The following MCTP2 variants were observed in gnomAD, a reference collection of about 807,000 sequenced individuals.
MCTP2 encodes multiple C2 and transmembrane domain containing 2.
In MCTP2, 132 loss-of-function variants were observed where a neutral mutation model predicts 111.6. That is an observed-to-expected ratio of 1.18 (90% CI 1.03 to 1.37). MCTP2 has a LOEUF of 1.37. MCTP2 is among the 40% of genes most tolerant of loss of function. MCTP2 has a pLI of 0.00. For synonymous variants in MCTP2, 395 were observed against 387.7 expected, an observed-to-expected ratio of 1.02 and a Z score of -0.22; for missense variants, 1,183 against 1,067.9, an observed-to-expected ratio of 1.11 and a Z score of -1.50.
At chr15:94,245,240 ATATACACATATG>A (rs2071755047) in intron 1 of MCTP2, among the ~76,000 whole-genome samples, 3 of 143,312 alleles carry the variant, frequency 2.1e-5, no homozygotes, top group African/African-American at 7.5e-5. Flanking sequence ...ATGTATGTAT[ATATACACATATG>A]TATATATACA....
intron 2 of MCTP2, among the ~76,000 whole-genome samples, chr15:94,304,728 A>T (rs1053681639): frequency 2.5e-4 from 38 of 152,126 alleles, no homozygotes; most frequent in South Asian, 8.3e-4. Context: ...TACACCATCC[A>T]TCTCACAATG....
intron 19 of MCTP2, among the ~76,000 whole-genome samples, chr15:94,457,727 T>A (rs2084924591): frequency 6.6e-6 from 1 of 152,208 alleles, no homozygotes; most frequent in Admixed American, 6.5e-5. Context: ...GTCTCCAACA[T>A]GCCAGGAACA....
intron 13 of MCTP2, among the ~76,000 whole-genome samples, chr15:94,384,696 A>T (rs1194282227): frequency 6.6e-6 from 1 of 152,200 alleles, no homozygotes; most frequent in Non-Finnish European, 1.5e-5. Context: ...TAAAATGGTG[A>T]CATACTGTCC....
chr15:94,434,243 C>G (rs1289514744), intron 17 of MCTP2, among the ~76,000 whole-genome samples: 3 of 152,010 alleles, frequency 2.0e-5, no homozygotes, highest in South Asian at 2.1e-4. Context: ...CTGAGACTTG[C>G]AGGCACATGC....
Position 94,402,995 on chromosome 15 carries a change from A to G in MCTP2, c.2085+976A>G, listed in dbSNP as rs182896108. The stretch of plus-strand genomic sequence containing the variant: ...CATAGCCTCATATAAAAAATGGGGG[A>G]AAAAAAACATTTATTAGCCCAAGAA... On this transcript the variant is annotated intron_variant, in intron 17 of 22. Coordinates refer to ENST00000357742, the MANE Select transcript of MCTP2 (RefSeq NM_001385001.1). 8.0e-3 allele frequency: 7,681 copies of G among 962,866 alleles called. 40 individuals carry two copies. Among genetic ancestry groups the G allele is most frequent in the Middle Eastern group, 0.031 (59 of 1,934 alleles). The allele number at this position is 962,866 out of a possible 1,614,324, so 59.6% of individuals were successfully genotyped here. A position where few individuals can be genotyped will look rare whatever the true frequency, so the allele number is the denominator to read the frequency against.
At chr15:94,385,777 A>G (rs540286669) in intron 14 of MCTP2, among the ~76,000 whole-genome samples, 18 of 152,276 alleles carry the variant, frequency 1.2e-4, no homozygotes, top group Middle Eastern at 3.4e-3. Context: ...TTTTCAATTC[A>G]TTTTCAGTCT....
chr15:94,356,176 A>G lies in MCTP2; in HGVS notation c.1045A>G (p.Lys349Glu), dbSNP rs758865681. The part of the protein sequence containing the change: ...IRNLRLSESL[K>E]KNQLWNGIIS... ...CAACCTACGGCTCTCTGAGTCCTTG[A>G]AAAAGAACCAACTCTGGAACGGGAT... The change falls in exon 9 of 23, where the codon AAA (lysine) becomes GAA (glutamate). Residue 349 changes from lysine (K) to glutamate (E), a missense_variant. Lys to Glu is a moderately conservative substitution (Grantham distance 56). Coordinates refer to ENST00000357742, the MANE Select transcript of MCTP2 (RefSeq NM_001385001.1). 6.2e-7 allele frequency: 1 copy of G among 1,612,380 alleles called. No individual in the cohort carries two copies. Among genetic ancestry groups the G allele is most frequent in the South Asian group, 1.1e-5 (1 of 90,726 alleles).
chr15:94,233,865 CT>C, intron 1 of MCTP2, among the ~76,000 whole-genome samples: 1 of 152,258 alleles, frequency 6.6e-6, no homozygotes, highest in East Asian at 1.9e-4. Flanking sequence ...AAAACACTTG[CT>C]TTCTTAAAAC....
In MCTP2 at chr15:94,402,003, G is replaced by A; in HGVS notation, c.2069G>A (p.Ser690Asn). 2 of 1,612,060 alleles carry A rather than the reference G, an allele frequency of 1.2e-6. No homozygotes were observed. The highest frequency in any genetic ancestry group is 1.7e-6 in the Non-Finnish European group (2 of 1,179,326). The change falls in exon 17 of 23, where the codon AGT becomes AAT. Residue 690 changes from serine to asparagine, a missense_variant. Transcript: ENST00000357742. ...SCFQWESTLR[S>N]TIAFAVFLIT... ...TTCCAGTGGGAATCCACATTAAGAA[G>A]TACAATAGCATTCGCGGTAAGCTTC...
chr15:94,325,231 C>G (rs1420331598), intron 4 of MCTP2, among the ~76,000 whole-genome samples: 1 of 152,084 alleles, frequency 6.6e-6, no homozygotes. Context: ...GTAGGATTAA[C>G]CTGGTGTGTG....
chr15:94,317,279 T>C (rs1304850585), intron 4 of MCTP2, among the ~76,000 whole-genome samples: 3 of 152,164 alleles, frequency 2.0e-5, no homozygotes, highest in Non-Finnish European at 2.9e-5. Flanking sequence ...ATTTGTGTTT[T>C]TCTCTTCCCC....
At chr15:94,394,750 G>T (rs989198805) in intron 14 of MCTP2, among the ~76,000 whole-genome samples, 2 of 152,004 alleles carry the variant, frequency 1.3e-5, no homozygotes, top group Non-Finnish European at 2.9e-5. Context: ...GGGCGACAGG[G>T]TGAGACTCCA....
chr15:94,410,301 G>A (rs1277305925), intron 17 of MCTP2, among the ~76,000 whole-genome samples: 1 of 152,084 alleles, frequency 6.6e-6, no homozygotes, highest in Non-Finnish European at 1.5e-5. Flanking sequence ...TGCAAAGCTT[G>A]GTATTGTGTG....
chr15:94,331,320 A>G (rs1220153261), intron 4 of MCTP2, among the ~76,000 whole-genome samples: 2 of 152,248 alleles, frequency 1.3e-5, no homozygotes, highest in African/African-American at 4.8e-5. Context: ...AGCCAAAACA[A>G]TAAATGATGG....
chr15:94,431,589 A>G (rs192582869), intron 17 of MCTP2, among the ~76,000 whole-genome samples: 17 of 152,336 alleles, frequency 1.1e-4, no homozygotes, highest in African/African-American at 3.8e-4. Flanking sequence ...TGCTTTAACA[A>G]AAAAAGGCAG....
intron 21 of MCTP2, among the ~76,000 whole-genome samples, chr15:94,472,236 AGGTGATGGCAGGCAC>A (rs543490804): frequency 6.6e-6 from 1 of 152,126 alleles, no homozygotes; most frequent in South Asian, 2.1e-4. Flanking sequence ...AACTAAGCCA[AGGTGATGGCAGGCAC>A]CTGTAATCCC....
intron 4 of MCTP2, among the ~76,000 whole-genome samples, chr15:94,322,513 A>T (rs1428172863): frequency 6.6e-6 from 1 of 152,222 alleles, no homozygotes; most frequent in Non-Finnish European, 1.5e-5. Flanking sequence ...TAAACAAATG[A>T]ACATAGCTGT....
chr15:94,299,184 T>C lies in MCTP2; in HGVS notation c.465+454T>C, dbSNP rs573377726. Reference sequence around the variant, plus strand: ...GTTCCCATTAGTTTTAGGGTTGACCTCTGTGTGTTTTAAAGCTATTACAAA... The same window carrying C: ...GTTCCCATTAGTTTTAGGGTTGACCCCTGTGTGTTTTAAAGCTATTACAAA... On this transcript the variant is annotated intron_variant, in intron 2 of 22. Transcript: ENST00000357742. Among the ~76,000 whole-genome samples, 6 of 151,806 alleles carry C rather than the reference T, an allele frequency of 4.0e-5. No homozygotes were observed. In the East Asian group the frequency reaches 9.7e-4, roughly 25 times the overall value.
chr15:94,402,485 G>A (rs1412105473), intron 17 of MCTP2: 7 of 1,551,476 alleles, frequency 4.5e-6, no homozygotes, highest in Admixed American at 2.0e-5. Flanking sequence ...ATTTCATTCA[G>A]CACCGCAAAG....
Sources: gnomAD v4.1 joint callset for allele counts (sites outside exome capture counted in the v4.1 genomes callset) on GRCh38, gnomAD v4.1.1 for gene constraint, MANE v1.5 for transcripts, NCBI Gene and HGNC (gene_info 2026-07-23, HGNC 2026-07-21) for gene names.